Variants in PDE4D observed in about 807,000 individuals in gnomAD.
PDE4D encodes the protein 3',5'-cyclic-AMP phosphodiesterase 4D.
PDE4D carries 24 observed loss-of-function variants against 87.4 expected under a neutral mutation model. The observed-to-expected ratio is 0.27, with a 90% CI of 0.20 to 0.39. PDE4D has a LOEUF of 0.39. PDE4D is among the 10% of genes least tolerant of loss of function. The pLI is 1.00. For missense variants in PDE4D, 714 were observed against 1,041.0 expected (o/e 0.69, Z 4.32); for synonymous variants, 384 against 383.2 (o/e 1.00, Z -0.02).
At chr5:59,450,861 A>T (rs149894292) in intron 1 of PDE4D, among the ~76,000 whole-genome samples, 252 of 152,164 alleles carry the variant, frequency 1.7e-3, no homozygotes, top group Non-Finnish European at 2.7e-3. Flanking sequence ...ACGCAGCTTC[A>T]TCCATTTTTC....
intron 1 of PDE4D, among the ~76,000 whole-genome samples, chr5:60,474,246 A>G (rs1748133482): frequency 6.6e-6 from 1 of 150,428 alleles, no homozygotes; most frequent in Non-Finnish European, 1.5e-5. Flanking sequence ...CCAGCAGATT[A>G]AATGTCTGGT....
intron 5 of PDE4D, among the ~76,000 whole-genome samples, chr5:59,095,910 C>G (rs1470599112): frequency 6.6e-6 from 1 of 152,308 alleles, no homozygotes; most frequent in South Asian, 2.1e-4. Context: ...TCAGCTCATT[C>G]TTGATGAGGA....
chr5:59,255,387 C>T (rs1031354952), intron 1 of PDE4D, among the ~76,000 whole-genome samples: 4 of 152,006 alleles, frequency 2.6e-5, no homozygotes, highest in Admixed American at 1.3e-4. Flanking sequence ...GTAGATTAGC[C>T]GTTGCCTAGA....
intron 1 of PDE4D, among the ~76,000 whole-genome samples, chr5:59,626,102 A>G (rs1830874687): frequency 6.6e-6 from 1 of 152,152 alleles, no homozygotes; most frequent in Non-Finnish European, 1.5e-5. Flanking sequence ...AAACAAAACA[A>G]AACAAAATAA....
chr5:59,307,597 A>G (rs1456859622), intron 1 of PDE4D, among the ~76,000 whole-genome samples: 2 of 151,968 alleles, frequency 1.3e-5, no homozygotes, highest in Admixed American at 6.6e-5. Context: ...GCAGCCAAAA[A>G]ACACATGAAA....
chr5:60,400,186 G>A (rs1740932166), intron 1 of PDE4D, among the ~76,000 whole-genome samples: 1 of 152,142 alleles, frequency 6.6e-6, no homozygotes, highest in Non-Finnish European at 1.5e-5. Flanking sequence ...AATGTGGAAT[G>A]GTAAAACAGA....
intron 5 of PDE4D, among the ~76,000 whole-genome samples, chr5:59,176,044 C>T (rs1331571736): frequency 6.6e-6 from 1 of 152,102 alleles, no homozygotes; most frequent in Non-Finnish European, 1.5e-5. Context: ...ACTGGGTTCA[C>T]ATTCAGGCTC....
At chr5:59,190,623 A>C (rs1744096985) in intron 3 of PDE4D, among the ~76,000 whole-genome samples, 1 of 152,122 alleles carries the variant, frequency 6.6e-6, no homozygotes, top group Non-Finnish European at 1.5e-5. Context: ...TTAAATAGTT[A>C]ATGCTAAAAT....
At chr5:59,998,757 T>C (rs1409278404) in intron 2 of PDE4D, among the ~76,000 whole-genome samples, 1 of 152,038 alleles carries the variant, frequency 6.6e-6, no homozygotes, top group African/African-American at 2.4e-5. Flanking sequence ...CAACCAAAAG[T>C]GTGGTACCTT....
chr5:60,283,387 A>T (rs2149753114), intron 1 of PDE4D, among the ~76,000 whole-genome samples: 1 of 152,298 alleles, frequency 6.6e-6, no homozygotes, highest in South Asian at 2.1e-4. Context: ...TTTGTTACAA[A>T]TGTTGTAAAT....
intron 1 of PDE4D, among the ~76,000 whole-genome samples, chr5:59,564,674 G>A (rs1211453667): frequency 6.6e-6 from 1 of 152,126 alleles, no homozygotes; most frequent in Non-Finnish European, 1.5e-5. Context: ...AGAAACACCT[G>A]TAAGGTTCCA....
chr5:59,522,647 C>T lies in PDE4D; in HGVS notation c.456-306679G>A, dbSNP rs148837483. 3.4e-3 allele frequency among the ~76,000 whole-genome samples: 518 copies of T among 152,236 alleles called. 1 individual carries two copies. The highest frequency in any genetic ancestry group is 0.012 in the African/African-American group (493 of 41,536). On this transcript the variant is annotated intron_variant, in intron 1 of 14. Transcript: ENST00000340635. The stretch of plus-strand genomic sequence containing the variant: ...CATAATACTTGTTCTTATTAAATTG[C>T]GAATTCTGGGCAAAGAATCTTGAGG...
At chr5:59,554,083 A>G (rs1451415074) in intron 1 of PDE4D, among the ~76,000 whole-genome samples, 1 of 152,146 alleles carries the variant, frequency 6.6e-6, no homozygotes, top group African/African-American at 2.4e-5. Flanking sequence ...CCCATATGCC[A>G]GGCCCCAGGA....
intron 9 of PDE4D, among the ~76,000 whole-genome samples, chr5:58,990,290 G>C (rs1747594635): frequency 6.6e-6 from 1 of 152,146 alleles, no homozygotes; most frequent in Admixed American, 6.5e-5. Flanking sequence ...TAGGGCTGAA[G>C]TTTCCCATTT....
At chr5:59,929,038 T>C (rs549482960) in intron 3 of PDE4D, among the ~76,000 whole-genome samples, 3 of 152,078 alleles carry the variant, frequency 2.0e-5, no homozygotes, top group Non-Finnish European at 2.9e-5. Flanking sequence ...TTCTGAGTCA[T>C]AAAAAATTAG....
At chr5:59,673,544 T>C (rs1161783788) in intron 1 of PDE4D, among the ~76,000 whole-genome samples, 1 of 152,188 alleles carries the variant, frequency 6.6e-6, no homozygotes, top group Non-Finnish European at 1.5e-5. Context: ...TTATGGGAAA[T>C]ACAATTGTCT....
intron 1 of PDE4D, among the ~76,000 whole-genome samples, chr5:59,582,439 G>GCT (rs1824339800): frequency 6.6e-6 from 1 of 152,094 alleles, no homozygotes; most frequent in Admixed American, 6.6e-5. Flanking sequence ...AGATAGGAAG[G>GCT]ATTATCTTTT....
chr5:59,426,911 C>T (rs139458222), intron 1 of PDE4D, among the ~76,000 whole-genome samples: 4,950 of 151,678 alleles, frequency 0.033, 107 homozygotes, highest in Non-Finnish European at 0.047. Context: ...CATTTTCTTA[C>T]AGTTGCAGTA....
chr5:59,215,872 G>C lies in PDE4D; in HGVS notation c.552C>G (p.His184Gln), dbSNP rs1245712072. The change falls in exon 2 of 15, where the codon CAC (histidine) becomes CAG (glutamine). Residue 184 changes from histidine (H) to glutamine (Q), a missense_variant. By Grantham distance (24) the His-to-Gln change is conservative. Around this residue, in one of 7 missense-constraint regions of PDE4D, gnomAD observed 268 missense variants for 272.9 expected, o/e 0.98. Coordinates refer to ENST00000340635, the MANE Select transcript of PDE4D (RefSeq NM_001104631.2). ...SGLILQANFV[H>Q]SQRRESFLYR... ...ACAGGAAGGACTCCCGTCGTTGACT[G>C]TGGACAAAATTTGCTTGGAGAATTA... 4 of 1,613,514 alleles carry C rather than the reference G, an allele frequency of 2.5e-6. No individual in the cohort carries two copies. The highest frequency in any genetic ancestry group is 1.6e-4 in the Middle Eastern group (1 of 6,080).
Sources: gnomAD v4.1 joint callset for allele counts (sites outside exome capture counted in the v4.1 genomes callset) on GRCh38, gnomAD v4.1.1 for gene constraint, gnomAD v4.1.1 regional missense constraint, MANE v1.5 for transcripts, NCBI Gene and HGNC (gene_info 2026-07-23, HGNC 2026-07-21) for gene names.